Variants in ZNF568 observed in about 807,000 individuals in gnomAD.
The protein encoded by ZNF568 is zinc finger protein 568.
Under a neutral mutation model 18.1 loss-of-function variants are expected in ZNF568, and 11 were observed. The observed-to-expected ratio is 0.61, with a 90% CI of 0.38 to 1.00. The LOEUF (loss-of-function observed/expected upper bound fraction) is 1.00, where lower values mean the gene tolerates loss of function less well. Among genes scored for constraint, ZNF568 ranks in the 50% least tolerant of loss-of-function variants. ZNF568 has a pLI of 0.01. For missense variants in ZNF568, 639 were observed against 768.2 expected (o/e 0.83, Z 1.99); for synonymous variants, 213 against 246.6 (o/e 0.86, Z 1.28).
intron 4 of ZNF568, among the ~76,000 whole-genome samples, chr19:36,927,901 ATATTTTTTTTTT>A (rs2073606359): frequency 4.3e-5 from 1 of 23,080 alleles, no homozygotes; most frequent in African/African-American, 2.9e-4. Flanking sequence ...ATATATATAT[ATATTTTTTTTTT>A]TTTTTTTTTT....
chr19:36,964,341 T>C (rs1474211518), intron 6 of ZNF568, among the ~76,000 whole-genome samples: 2 of 152,230 alleles, frequency 1.3e-5, no homozygotes, highest in Non-Finnish European at 2.9e-5. Context: ...TGTGAAATAT[T>C]ACTTTCTTGT....
At position 36,951,077 on chromosome 19, in the gene ZNF568, C is replaced by A; in HGVS notation, c.1924C>A (p.Gln642Lys). 2 of 1,527,306 alleles carry A rather than the reference C, an allele frequency of 1.3e-6. No homozygotes were observed. The highest frequency in any genetic ancestry group is 1.8e-6 in the Non-Finnish European group (2 of 1,141,390). The allele number at this position is 1,527,306 out of a possible 1,614,324, so 94.6% of individuals were successfully genotyped here. A position where few individuals can be genotyped will look rare whatever the true frequency, so the allele number is the denominator to read the frequency against. The change falls in exon 7 of 7, where the codon CAA (glutamine) becomes AAA (lysine). Residue 642 changes from glutamine (Q) to lysine (K), a missense_variant. Coordinates refer to ENST00000333987, the MANE Select transcript of ZNF568 (RefSeq NM_198539.4). ...GAGAGGTCATACAGGTGAGAGACAC[C>A]AAGTATATTAAATGAAAGAAGGCCT... ...HKRGHTGERH[Q>K]VY
chr19:36,929,123 GA>G (rs35777999), intron 4 of ZNF568, among the ~76,000 whole-genome samples: 54,977 of 151,598 alleles, frequency 0.36, 10,247 homozygotes, highest in African/African-American at 0.4. Context: ...TAACTTTAGG[GA>G]AAAAAAAATT....
intron 3 of ZNF568, chr19:36,991,334 C>G: frequency 6.7e-7 from 1 of 1,491,956 alleles, no homozygotes. Context: ...ACCCCCTGCC[C>G]CGCCAAACAC....
chr19:36,968,347 G>C (rs1037248671), intron 6 of ZNF568, among the ~76,000 whole-genome samples: 1 of 151,952 alleles, frequency 6.6e-6, no homozygotes, highest in Non-Finnish European at 1.5e-5. Flanking sequence ...GGCCGAGGCA[G>C]GTAGATCACG....
intron 3 of ZNF568, among the ~76,000 whole-genome samples, chr19:36,923,975 T>C (rs1217017937): frequency 6.6e-6 from 1 of 152,214 alleles, no homozygotes; most frequent in African/African-American, 2.4e-5. Context: ...ATATTCTTTG[T>C]CCTTATGAGT....
At chr19:36,963,839 C>T (rs2074173157) in intron 6 of ZNF568, among the ~76,000 whole-genome samples, 1 of 152,004 alleles carries the variant, frequency 6.6e-6, no homozygotes, top group African/African-American at 2.4e-5. Flanking sequence ...TGGTGGCATG[C>T]GCCTGTAGTC....
At chr19:36,945,487 T>C (rs1232842575) in intron 6 of ZNF568, among the ~76,000 whole-genome samples, 1 of 152,144 alleles carries the variant, frequency 6.6e-6, no homozygotes, top group Non-Finnish European at 1.5e-5. Context: ...CATTTTATTT[T>C]CTCTAAGTTA....
At chr19:36,948,063 G>A (rs930112247) in intron 6 of ZNF568, among the ~76,000 whole-genome samples, 1 of 152,154 alleles carries the variant, frequency 6.6e-6, no homozygotes, top group Non-Finnish European at 1.5e-5. Flanking sequence ...TTTGGTAAAT[G>A]TATAATGACT....
chr19:36,972,538 C>T (rs1375697890), intron 6 of ZNF568, among the ~76,000 whole-genome samples: 1 of 116,828 alleles, frequency 8.6e-6, no homozygotes, highest in African/African-American at 3.5e-5. Context: ...GTGGCCCGGC[C>T]CGAGCAGAAA....
At chr19:36,940,285 G>A (rs568654) in intron 6 of ZNF568, among the ~76,000 whole-genome samples, 55,032 of 151,982 alleles carry the variant, frequency 0.36, 10,248 homozygotes, top group African/African-American at 0.4. Context: ...TCTTACCTAA[G>A]TTCTAGCAGT....
At chr19:36,990,987 A>C (rs2074418894) in intron 2 of ZNF568, 1 of 561,822 alleles carries the variant, frequency 1.8e-6, no homozygotes, top group African/African-American at 1.9e-5. Context: ...AAGCATGCCC[A>C]AGAACCATGT....
At chr19:36,925,870 A>G (rs1600770398) in intron 4 of ZNF568, among the ~76,000 whole-genome samples, 1 of 152,182 alleles carries the variant, frequency 6.6e-6, no homozygotes, top group Non-Finnish European at 1.5e-5. Context: ...ACACCATTTT[A>G]TATAAGGGAC....
rs993364560 is a variant in ZNF568 at position 36,952,366 on chromosome 19, T to C, written c.*1278T>C. ...GGTAATGGATGAATAAAATATGATATATTCAAATGATAGAATAGTATACAG... is the reference window on the plus strand; with the variant it reads ...GGTAATGGATGAATAAAATATGATACATTCAAATGATAGAATAGTATACAG... On this transcript the variant is annotated 3_prime_UTR_variant, in exon 7 of 7. Coordinates refer to ENST00000333987, the MANE Select transcript of ZNF568 (RefSeq NM_198539.4). 1 of 152,132 alleles carries C rather than the reference T, an allele frequency of 6.6e-6. No homozygotes were observed. The highest frequency in any genetic ancestry group is 1.5e-5 in the Non-Finnish European group (1 of 68,056). The allele number at this position is 152,132 out of a possible 1,614,324, so 9.4% of individuals were successfully genotyped here. A position where few individuals can be genotyped will look rare whatever the true frequency, so the allele number is the denominator to read the frequency against.
chr19:36,972,987 C>T (rs1352720862), intron 6 of ZNF568, among the ~76,000 whole-genome samples: 1 of 152,230 alleles, frequency 6.6e-6, no homozygotes, highest in African/African-American at 2.4e-5. Context: ...ACTATTGCTG[C>T]CTGGGCCTGT....
At chr19:36,996,211 A>G in intron 4 of ZNF568, 1 of 949,932 alleles carries the variant, frequency 1.1e-6, no homozygotes, top group Non-Finnish European at 1.5e-6. Flanking sequence ...TTGCAGTGTA[A>G]AGAATTGCTT....
At chr19:36,954,572 CTTT>C (rs11442560), downstream of ZNF568, among the ~76,000 whole-genome samples, 1 of 143,088 alleles carries the variant, frequency 7.0e-6, no homozygotes, top group Non-Finnish European at 1.5e-5. Context: ...TATGTGTAAA[CTTT>C]TTTTTTTTTT....
At chr19:36,927,628 C>T (rs1489656232) in intron 4 of ZNF568, among the ~76,000 whole-genome samples, 2 of 151,146 alleles carry the variant, frequency 1.3e-5, no homozygotes, top group Non-Finnish European at 2.9e-5. Flanking sequence ...GATTTCACCA[C>T]TTCTTTATGC....
At chr19:36,917,363 G>A (rs952492578) in intron 1 of ZNF568, among the ~76,000 whole-genome samples, 13 of 152,194 alleles carry the variant, frequency 8.5e-5, no homozygotes, top group Middle Eastern at 3.2e-3. Flanking sequence ...CAGTTGGAGA[G>A]CAAAGTTACC....
Sources: allele counts gnomAD v4.1 joint callset (sites outside exome capture counted in the v4.1 genomes callset), GRCh38; gene constraint gnomAD v4.1.1; transcripts MANE v1.5; gene names NCBI Gene and HGNC (gene_info 2026-07-23, HGNC 2026-07-21).